LMO7: variants seen among roughly 807,000 people sequenced by gnomAD.
The protein encoded by LMO7 is LIM domain only protein 7.
A neutral mutation model predicts 206.5 loss-of-function variants in LMO7; 120 were observed. That is an observed-to-expected ratio of 0.58 (90% CI 0.50 to 0.68). The LOEUF (loss-of-function observed/expected upper bound fraction) is 0.68, where lower values mean the gene tolerates loss of function less well. Ranked by LOEUF, LMO7 falls within the 30% of genes least tolerant of loss-of-function variation. The probability of loss-of-function intolerance (pLI) is 0.00; values close to 1 mark genes in which losing one functional copy is unlikely to be tolerated. For missense variants in LMO7, 1,959 were observed against 1,957.9 expected (o/e 1.00, Z -0.01); for synonymous variants, 706 against 681.5 (o/e 1.04, Z -0.56).
At chr13:75,778,825 C>A (rs138009020) in intron 4 of LMO7, among the ~76,000 whole-genome samples, 2,255 of 152,272 alleles carry the variant, frequency 0.015, 39 homozygotes, top group Non-Finnish European at 0.026. Context: ...GGCTTTCAAT[C>A]ATTAGCATGC....
chr13:75,769,491 AC>A (rs987261662), intron 4 of LMO7, among the ~76,000 whole-genome samples: 13 of 152,198 alleles, frequency 8.5e-5, no homozygotes, highest in South Asian at 4.1e-4. Flanking sequence ...TTAAAAAAAA[AC>A]GTGGTATACT....
intron 28 of LMO7, 120 bp downstream of exon 28, chr13:75,853,508 C>A: frequency 1.1e-6 from 1 of 885,972 alleles, no homozygotes; most frequent in Non-Finnish European, 1.7e-6. Flanking sequence ...TTGAATGTGT[C>A]AAATTTGGTA....
chr13:75,626,905 G>A (rs759414575), intron 2 of LMO7: 2 of 151,830 alleles, frequency 1.3e-5, no homozygotes, highest in African/African-American at 2.4e-5. Context: ...TTAAGTGTAC[G>A]ATACATTATT....
Position 75,821,310 on chromosome 13 carries a change from G to A in LMO7, c.2341G>A (p.Glu781Lys). The A allele has an allele frequency of 6.2e-7, 1 of 1,614,168 alleles. No individual in the cohort carries two copies. The highest frequency in any genetic ancestry group is 8.5e-7 in the Non-Finnish European group (1 of 1,180,002). The change falls in exon 14 of 31, where the codon GAG (glutamate) becomes AAG (lysine). Residue 781 changes from glutamate to lysine, a missense_variant. By Grantham distance (56) the Glu-to-Lys change is moderately conservative. Transcript: ENST00000377534. ...AAGTTACCAGAGTGAGAGAGTAGAA[G>A]AGAAGGGAGCAACTTATCCTTCAGA... ...EASYQSERVE[E>K]KGATYPSEIP...
At chr13:75,673,406 A>G (rs1357928250) in intron 1 of LMO7, among the ~76,000 whole-genome samples, 2 of 152,216 alleles carry the variant, frequency 1.3e-5, no homozygotes, top group African/African-American at 4.8e-5. Flanking sequence ...CAGGAGAGCT[A>G]TTGCCTTGCC....
upstream of LMO7, chr13:75,636,260 G>T (rs1397605019): frequency 1.9e-5 from 20 of 1,029,796 alleles, no homozygotes; most frequent in Non-Finnish European, 2.2e-5. Context: ...GGCCCCGGGA[G>T]GGCGGTGGGG....
intron 1 of LMO7, among the ~76,000 whole-genome samples, chr13:75,649,664 T>C (rs2139118541): frequency 6.6e-6 from 1 of 152,300 alleles, no homozygotes; most frequent in East Asian, 1.9e-4. Context: ...GAAATCAACA[T>C]TCTCTCAAAG....
Position 75,804,444 on chromosome 13 carries a change from C to A in LMO7, c.817C>A (p.Pro273Thr). 1 of 1,614,118 alleles carries A rather than the reference C, an allele frequency of 6.2e-7. No homozygotes were observed. Among genetic ancestry groups the A allele is most frequent in the South Asian group, 1.1e-5 (1 of 91,066 alleles). ...CAAAAGTAGACAGCCATCCTATGTA[C>A]CAGCACCTCTGAGAAAGAAAAAGCC... ...PNKSRQPSYV[P>T]APLRKKKPDK... The change falls in exon 8 of 31, where the codon CCA (proline) becomes ACA (threonine). Residue 273 changes from proline (P) to threonine (T), a missense_variant. Transcript: ENST00000377534.
intron 2 of LMO7, among the ~76,000 whole-genome samples, chr13:75,623,923 G>C (rs1474326414): frequency 2.0e-5 from 3 of 152,116 alleles, no homozygotes; most frequent in African/African-American, 7.2e-5. Flanking sequence ...ATAATAACCA[G>C]GTGTCTTTTG....
At chr13:75,621,947 T>C in intron 1 of LMO7, 1 of 1,012,022 alleles carries the variant, frequency 9.9e-7, no homozygotes, top group Non-Finnish European at 1.4e-6. Flanking sequence ...GGCTTTTCTT[T>C]AGGAACACAT....
intron 4 of LMO7, among the ~76,000 whole-genome samples, chr13:75,773,249 T>C (rs1015066991): frequency 6.6e-6 from 1 of 151,984 alleles, no homozygotes; most frequent in African/African-American, 2.4e-5. Flanking sequence ...CATGAGTCTT[T>C]AATGGAGGTG....
intron 5 of LMO7, among the ~76,000 whole-genome samples, chr13:75,795,701 C>G (rs1390428929): frequency 6.6e-6 from 1 of 152,176 alleles, no homozygotes; most frequent in African/African-American, 2.4e-5. Flanking sequence ...CCAACTCTGA[C>G]CATGTCCCTG....
Position 75,800,868 on chromosome 13 carries a change from G to A in LMO7, c.647G>A (p.Arg216Lys), listed in dbSNP as rs1566487872. ...AGCTGCTCCTCTGATATCACGTTGA[G>A]AGGGGGGCGTGAAGGTGTGTTGTGT... ...LTSCSSDITLRGGREGFESDT... is the reference protein window; with the variant it reads ...LTSCSSDITLKGGREGFESDT... Residue 216 changes from arginine to lysine, a missense_variant, in exon 7 of 31, where the codon AGA becomes AAA. By Grantham distance (26) the Arg-to-Lys change is conservative. Transcript: ENST00000377534. 1.9e-6 allele frequency: 3 copies of A among 1,614,016 alleles called. No homozygotes were observed. Among genetic ancestry groups the A allele is most frequent in the South Asian group, 2.2e-5 (2 of 91,074 alleles).
intron 15 of LMO7, among the ~76,000 whole-genome samples, chr13:75,831,970 A>T (rs975669829): frequency 1.3e-5 from 2 of 152,174 alleles, no homozygotes; most frequent in Non-Finnish European, 2.9e-5. Flanking sequence ...AGAAAGCTTT[A>T]TGAAGTGCCC....
intron 2 of LMO7, among the ~76,000 whole-genome samples, chr13:75,626,577 T>TATATATATATATA (rs71127564): frequency 0.015 from 1,133 of 74,138 alleles, 64 homozygotes; most frequent in Admixed American, 0.022. Flanking sequence ...AACATATATA[T>TATATATATATATA]TATATATATA....
Position 75,840,508 on chromosome 13 carries a change from C to G in LMO7, c.3582+13C>G. ...CCGCCTACTGCAGGTAGCTCTGGCT[C>G]ACGTGGACGGGTAGAAACTAGGTTG... On this transcript the variant is annotated intron_variant, in intron 22 of 30. Transcript: ENST00000377534. 1 of 1,612,882 alleles carries G rather than the reference C, an allele frequency of 6.2e-7. No homozygotes were observed. The highest frequency in any genetic ancestry group is 8.5e-7 in the Non-Finnish European group (1 of 1,179,470).
upstream of LMO7, chr13:75,632,175 C>T (rs1026864193): frequency 5.3e-5 from 8 of 152,150 alleles, no homozygotes; most frequent in African/African-American, 1.9e-4. Flanking sequence ...AAGGCAGGTG[C>T]TGTACCTTTC....
chr13:75,668,931 G>A (rs2039306855), intron 1 of LMO7, among the ~76,000 whole-genome samples: 1 of 152,182 alleles, frequency 6.6e-6, no homozygotes, highest in Non-Finnish European at 1.5e-5. Flanking sequence ...TAGAGGTGAG[G>A]TTTGTGCTGA....
intron 2 of LMO7, among the ~76,000 whole-genome samples, chr13:75,630,207 C>G (rs886852352): frequency 6.6e-6 from 1 of 152,014 alleles, no homozygotes; most frequent in African/African-American, 2.4e-5. Context: ...TCCCTTACTC[C>G]CTACACCCAG....
Sources: gnomAD v4.1 joint callset for allele counts (sites outside exome capture counted in the v4.1 genomes callset) on GRCh38, gnomAD v4.1.1 for gene constraint, MANE v1.5 for transcripts, NCBI Gene and HGNC (gene_info 2026-07-23, HGNC 2026-07-21) for gene names.